ADARB2: variants seen among roughly 807,000 people sequenced by gnomAD.
ADARB2 encodes the protein adenosine deaminase RNA specific B2 (inactive).
A neutral mutation model predicts 62.2 loss-of-function variants in ADARB2; 25 were observed. The observed-to-expected ratio is 0.40, with a 90% CI of 0.29 to 0.56. The LOEUF (loss-of-function observed/expected upper bound fraction) is 0.56. Among genes scored for constraint, ADARB2 ranks in the 20% least tolerant of loss-of-function variants. ADARB2 has a pLI of 0.43. For missense variants in ADARB2, 1,071 were observed against 1,077.4 expected (o/e 0.99, Z 0.08); for synonymous variants, 572 against 500.8 (o/e 1.14, Z -1.90).
rs1207262858 is a variant in ADARB2, at chr10:1,181,821, T to C, written c.*1372A>G. On this transcript the variant is annotated 3_prime_UTR_variant, in exon 10 of 10. Coordinates refer to ENST00000381312, the MANE Select transcript of ADARB2 (RefSeq NM_018702.4). ...ATGAGAGACTGGCTATCTAGCATGA[T>C]GAATGTTAGAAATGAGTTCTCGGAG... The C allele has an allele frequency of 2.6e-5, 4 of 152,296 alleles. No individual in the cohort carries two copies. In the South Asian group the frequency reaches 8.3e-4, roughly 32 times the overall value. 9.4% of individuals were successfully genotyped at this position (152,296 alleles called of 1,614,324 possible). A position where few individuals can be genotyped will look rare whatever the true frequency, so the allele number is the denominator to read the frequency against.
At chr10:1,606,253 C>T (rs1460357225) in intron 1 of ADARB2, among the ~76,000 whole-genome samples, 1 of 152,168 alleles carries the variant, frequency 6.6e-6, no homozygotes, top group Non-Finnish European at 1.5e-5. Flanking sequence ...TCGAAGTTCT[C>T]CTCACATGGG....
rs554557181 is a variant in ADARB2, at chr10:1,215,259, C to T, written c.1682+1692G>A. On this transcript the variant is annotated intron_variant, in intron 7 of 9. Coordinates refer to ENST00000381312, the MANE Select transcript of ADARB2 (RefSeq NM_018702.4). ...CCTGTCCCATGCAGGCACTGCCTGCCCCATGGGCATCTGTCTGTGCTAGAA... is the reference window on the plus strand; with the variant it reads ...CCTGTCCCATGCAGGCACTGCCTGCTCCATGGGCATCTGTCTGTGCTAGAA... 5.3e-5 allele frequency among the ~76,000 whole-genome samples: 8 copies of T among 152,322 alleles called. No homozygotes were observed. The East Asian group carries it at 1.4e-3, about 26-fold the overall frequency.
chr10:1,480,003 A>C (rs2131923459), intron 1 of ADARB2, among the ~76,000 whole-genome samples: 1 of 152,272 alleles, frequency 6.6e-6, no homozygotes, highest in East Asian at 1.9e-4. Context: ...TGTCTTTAAA[A>C]ACTCAACAAA....
At chr10:1,303,137 T>G (rs1445153773) in intron 3 of ADARB2, among the ~76,000 whole-genome samples, 1 of 151,496 alleles carries the variant, frequency 6.6e-6, no homozygotes, top group Admixed American at 6.6e-5. Flanking sequence ...TGAAAAAAAT[T>G]TAGAAGAATT....
At chr10:1,612,234 TGCTTC>T (rs1486827898) in intron 1 of ADARB2, among the ~76,000 whole-genome samples, 1 of 152,244 alleles carries the variant, frequency 6.6e-6, no homozygotes, top group Non-Finnish European at 1.5e-5. Context: ...CGCGTCCTTG[TGCTTC>T]TGCACCAAGC....
chr10:1,723,698 C>T (rs961015989), intron 1 of ADARB2, among the ~76,000 whole-genome samples: 1 of 152,158 alleles, frequency 6.6e-6, no homozygotes, highest in African/African-American at 2.4e-5. Context: ...GAGAAATGGG[C>T]ACCTTCCAAA....
rs559949731 is a variant in ADARB2 at position 1,586,718 on chromosome 10, C to T, written c.100+150333G>A. 4.7e-4 allele frequency among the ~76,000 whole-genome samples: 72 copies of T among 152,220 alleles called. 1 individual carries two copies. The highest frequency in any genetic ancestry group is 1.4e-3 in the East Asian group (7 of 5,172). The stretch of plus-strand genomic sequence containing the variant: ...AGAGAATAGATTCCTGGATTCTCTG[C>T]GATTATTTAATGTCAGTGGAAAAAC... On this transcript the variant is annotated intron_variant, in intron 1 of 9. Transcript: ENST00000381312.
chr10:1,206,487 G>GCGTCTCCTTGAACTGGGAC (rs1564220057), intron 7 of ADARB2, among the ~76,000 whole-genome samples: 122 of 150,064 alleles, frequency 8.1e-4, no homozygotes, highest in Non-Finnish European at 1.2e-3. Context: ...AGAACTGCGG[G>GCGTCTCCTTGAACTGGGAC]GTCTCCTCCT....
At chr10:1,248,126 G>A (rs552340581) in intron 4 of ADARB2, among the ~76,000 whole-genome samples, 47 of 152,218 alleles carry the variant, frequency 3.1e-4, no homozygotes, top group Non-Finnish European at 6.2e-4. Flanking sequence ...CAGCAAAGAC[G>A]CCAGGCGAGG....
intron 1 of ADARB2, among the ~76,000 whole-genome samples, chr10:1,475,286 C>T (rs1432555364): frequency 6.6e-6 from 1 of 152,204 alleles, no homozygotes; most frequent in Non-Finnish European, 1.5e-5. Context: ...GGAAACTTGA[C>T]CGCAGGCTGG....
intron 1 of ADARB2, among the ~76,000 whole-genome samples, chr10:1,653,540 G>C (rs557044346): frequency 6.6e-6 from 1 of 151,446 alleles, no homozygotes; most frequent in East Asian, 1.9e-4. Context: ...CAGACGCCTC[G>C]TGTGCCTGCA....
chr10:1,280,671 T>C lies in ADARB2; in HGVS notation c.1078-9602A>G, dbSNP rs148789426. 2.7e-3 allele frequency among the ~76,000 whole-genome samples: 404 copies of C among 151,244 alleles called. 3 individuals carry two copies. Among genetic ancestry groups the C allele is most frequent in the African/African-American group, 9.4e-3 (384 of 41,028 alleles). On this transcript the variant is annotated intron_variant, in intron 3 of 9. Transcript: ENST00000381312. ...AGTGATGCTCCGTGATATTCCTGAG[T>C]GATGCTCTATGAAATTCCTAAGTGA...
intron 8 of ADARB2, among the ~76,000 whole-genome samples, chr10:1,192,449 G>T (rs2131737874): frequency 6.6e-6 from 1 of 152,308 alleles, no homozygotes; most frequent in East Asian, 1.9e-4. Flanking sequence ...TGGATTTGGG[G>T]TAACTAACTT....
intron 3 of ADARB2, among the ~76,000 whole-genome samples, chr10:1,302,711 TCCCTGAC>T (rs1375406138): frequency 6.6e-6 from 1 of 152,154 alleles, no homozygotes; most frequent in African/African-American, 2.4e-5. Context: ...CTCAAGTGGG[TCCCTGAC>T]CCCTGACCCC....
chr10:1,485,997 T>C (rs1049928988), intron 1 of ADARB2, among the ~76,000 whole-genome samples: 1 of 152,208 alleles, frequency 6.6e-6, no homozygotes, highest in African/African-American at 2.4e-5. Flanking sequence ...TTAAAATCTA[T>C]TTCAGCTGGC....
intron 1 of ADARB2, among the ~76,000 whole-genome samples, chr10:1,499,003 T>TATTC (rs145164979): frequency 0.015 from 2,250 of 151,526 alleles, 33 homozygotes; most frequent in Non-Finnish European, 0.02. Context: ...ACTCACTCAA[T>TATTC]ACTCATTACT....
intron 3 of ADARB2, among the ~76,000 whole-genome samples, chr10:1,324,277 G>T (rs1831823206): frequency 1.3e-5 from 2 of 152,194 alleles, no homozygotes; most frequent in African/African-American, 4.8e-5. Flanking sequence ...GGCCCGGGTG[G>T]GTCCCTCATG....
chr10:1,367,313 T>C (rs1215639173), intron 2 of ADARB2, among the ~76,000 whole-genome samples: 2 of 152,228 alleles, frequency 1.3e-5, no homozygotes, highest in African/African-American at 4.8e-5. Flanking sequence ...AAAATCTCTA[T>C]TTCTCATTTG....
intron 1 of ADARB2, among the ~76,000 whole-genome samples, chr10:1,640,953 A>G (rs574931176): frequency 1.3e-5 from 2 of 152,324 alleles, no homozygotes; most frequent in African/African-American, 4.8e-5. Context: ...TACAATTGCA[A>G]GATCCGAAAT....
Sources: allele counts gnomAD v4.1 joint callset (sites outside exome capture counted in the v4.1 genomes callset), GRCh38; gene constraint gnomAD v4.1.1; transcripts MANE v1.5; gene names NCBI Gene and HGNC (gene_info 2026-07-23, HGNC 2026-07-21).